Variants in KCNQ4 observed in about 807,000 individuals in gnomAD.
The protein encoded by KCNQ4 is potassium voltage-gated channel subfamily Q member 4.
In KCNQ4, 31 loss-of-function variants were observed where a neutral mutation model predicts 72.6. The observed-to-expected ratio is 0.43, with a 90% CI of 0.32 to 0.58. The LOEUF (loss-of-function observed/expected upper bound fraction) is 0.58. Among genes scored for constraint, KCNQ4 ranks in the 20% least tolerant of loss-of-function variants. KCNQ4 has a pLI of 0.08. For missense variants in KCNQ4, 869 were observed against 962.6 expected, an observed-to-expected ratio of 0.90 and a Z score of 1.29; for synonymous variants, 405 against 403.7, an observed-to-expected ratio of 1.00 and a Z score of -0.04.
chr1:40,815,485 G>A (rs1041742201), intron 1 of KCNQ4, among the ~76,000 whole-genome samples: 3 of 152,138 alleles, frequency 2.0e-5, no homozygotes, highest in Non-Finnish European at 4.4e-5. Context: ...CTGCAGTCCC[G>A]ATGCAGGTAC....
chr1:40,803,750 CA>C (rs910733053), intron 1 of KCNQ4, among the ~76,000 whole-genome samples: 48 of 152,350 alleles, frequency 3.2e-4, no homozygotes, highest in African/African-American at 1.1e-3. Context: ...GCATGGCTCT[CA>C]GGGCAGCTGT....
rs1237127362 is a variant in KCNQ4, at chr1:40,784,209, G to A, written c.116G>A (p.Gly39Asp). The change falls in exon 1 of 14, where the codon GGC (glycine) becomes GAC (aspartate). Residue 39 changes from glycine (G) to aspartate (D), a missense_variant. Gly to Asp is a moderately conservative substitution (Grantham distance 94). This residue lies in a region of KCNQ4 where 178 missense variants were observed against 145.3 expected (regional missense o/e 1.22). Transcript: ENST00000347132. The surrounding 1 kb of genome is among the most constrained non-coding windows in gnomAD (Gnocchi z 4.1). ...AGCGAACAGGGCGAGGCGGGCGGGG[G>A]CGGCTCCCCGCGCCGCCTCGGCCTC... The part of the protein sequence containing the change: ...VQSEQGEAGG[G>D]GSPRRLGLLG... 2.6e-6 allele frequency: 3 copies of A among 1,142,054 alleles called. No individual in the cohort carries two copies. The highest frequency in any genetic ancestry group is 3.3e-5 in the African/African-American group (2 of 60,098). 70.7% of individuals were successfully genotyped at this position (1,142,054 alleles called of 1,614,324 possible). A position where few individuals can be genotyped will look rare whatever the true frequency, so the allele number is the denominator to read the frequency against.
intron 8 of KCNQ4, 93 bp downstream of exon 8, chr1:40,822,495 G>C: frequency 2.9e-6 from 3 of 1,048,752 alleles, no homozygotes; most frequent in Non-Finnish European, 4.3e-6. Context: ...GGGTGGAAAG[G>C]GGGTGATGGC....
At chr1:40,831,340 G>T in intron 10 of KCNQ4, 36 bp downstream of exon 10, 1 of 1,522,694 alleles carries the variant, frequency 6.6e-7, no homozygotes, top group Non-Finnish European at 8.9e-7. Context: ...ATCGAGGGCC[G>T]GCTGAGGGTG....
At chr1:40,822,614 A>G (rs912216128) in intron 8 of KCNQ4, among the ~76,000 whole-genome samples, 5 of 152,180 alleles carry the variant, frequency 3.3e-5, no homozygotes, top group African/African-American at 1.2e-4. Context: ...TACTGGACAT[A>G]GGGCATTGGT....
At chr1:40,831,339 C>T (rs758670305) in intron 10 of KCNQ4, 35 bp downstream of exon 10, 21 of 1,532,508 alleles carry the variant, frequency 1.4e-5, no homozygotes, top group Middle Eastern at 1.7e-4. Flanking sequence ...GATCGAGGGC[C>T]GGCTGAGGGT....
At chr1:40,798,893 C>T (rs1335799209) in intron 1 of KCNQ4, among the ~76,000 whole-genome samples, 2 of 152,252 alleles carry the variant, frequency 1.3e-5, no homozygotes, top group African/African-American at 2.4e-5. Flanking sequence ...GCCTGGCTGC[C>T]TGGGCAAAGG....
intron 1 of KCNQ4, among the ~76,000 whole-genome samples, chr1:40,805,693 A>G (rs1481834432): frequency 1.3e-5 from 2 of 152,076 alleles, no homozygotes; most frequent in African/African-American, 4.8e-5. Flanking sequence ...TGCAGTGCCA[A>G]GTGTCAGGTT....
chr1:40,819,790 A>T (rs1483437526), intron 5 of KCNQ4, 85 bp from the exon 6 acceptor site: 6 of 1,126,154 alleles, frequency 5.3e-6, no homozygotes, highest in Non-Finnish European at 8.2e-6. Flanking sequence ...TTCCCTCATG[A>T]TCAGGCTCCT....
chr1:40,792,197 C>T (rs1295545892), intron 1 of KCNQ4, among the ~76,000 whole-genome samples: 1 of 152,090 alleles, frequency 6.6e-6, no homozygotes, highest in Non-Finnish European at 1.5e-5. Context: ...GCTTGGCTGT[C>T]CCCTGGGAGG....
intron 1 of KCNQ4, among the ~76,000 whole-genome samples, chr1:40,805,428 C>G (rs1328547911): frequency 1.3e-5 from 2 of 152,176 alleles, no homozygotes. Flanking sequence ...CCCTCACCCC[C>G]CACCACTCTC....
At chr1:40,809,978 T>C (rs1647878438) in intron 1 of KCNQ4, among the ~76,000 whole-genome samples, 1 of 151,714 alleles carries the variant, frequency 6.6e-6, no homozygotes, top group East Asian at 1.9e-4. Context: ...GGCACGAGAA[T>C]CTCTTGAACC....
rs1332653738 is a variant in KCNQ4, at chr1:40,784,728, G to A, written c.314+321G>A. 6.6e-6 allele frequency among the ~76,000 whole-genome samples: 1 copy of A among 152,184 alleles called. No individual in the cohort carries two copies. The highest frequency in any genetic ancestry group is 1.5e-5 in the Non-Finnish European group (1 of 68,022). ...GCTGCCTCCCCCAAGTCCGCTTGGC[G>A]AAGTCTGGGGCCCCTGGAGTGGGCG... is the stretch of plus-strand genomic sequence containing the variant. On this transcript the variant is annotated intron_variant, in intron 1 of 13. Coordinates refer to ENST00000347132, the MANE Select transcript of KCNQ4 (RefSeq NM_004700.4). This position sits in a 1 kb window ranked among gnomAD's most constrained non-coding sequence, Gnocchi z 4.1.
intron 5 of KCNQ4, 85 bp downstream of exon 5, chr1:40,819,557 C>G: frequency 6.4e-7 from 1 of 1,571,972 alleles, no homozygotes; most frequent in Non-Finnish European, 8.7e-7. Flanking sequence ...TGACTCCTGA[C>G]TCAGGGTTGA....
At chr1:40,805,579 T>C (rs4660465) in intron 1 of KCNQ4, among the ~76,000 whole-genome samples, 56,685 of 151,940 alleles carry the variant, frequency 0.37, 10,795 homozygotes, top group African/African-American at 0.4. Flanking sequence ...GTGGGGGCTC[T>C]GACCTAAGCC....
rs1231613265 is a variant in KCNQ4, at chr1:40,822,413, C to CTGGGGG, written c.1130+22_1130+27dup. ...CCTCCCATCCTTCAGGTAGGTCCTG[C>CTGGGGG]TGGGGGTGGGGGTGGGTGGGGGGCT... On this transcript the variant is annotated intron_variant, in intron 8 of 13. Coordinates refer to ENST00000347132, the MANE Select transcript of KCNQ4 (RefSeq NM_004700.4). 3 of 277,290 alleles carry CTGGGGG rather than the reference C, an allele frequency of 1.1e-5. No homozygotes were observed. Among genetic ancestry groups the CTGGGGG allele is most frequent in the African/African-American group, 8.8e-5 (2 of 22,848 alleles). 17.2% of individuals were successfully genotyped at this position (277,290 alleles called of 1,614,324 possible). A position where few individuals can be genotyped will look rare whatever the true frequency, so the allele number is the denominator to read the frequency against.
chr1:40,819,165 GGGA>G (rs1648199242), intron 4 of KCNQ4, among the ~76,000 whole-genome samples, 179 bp from the exon 5 acceptor site: 1 of 150,872 alleles, frequency 6.6e-6, no homozygotes, highest in African/African-American at 2.4e-5. Flanking sequence ...TCGGGGTAGG[GGGA>G]GTGCTGGCGG....
intron 1 of KCNQ4, among the ~76,000 whole-genome samples, chr1:40,811,826 G>A (rs756608849): frequency 1.3e-5 from 2 of 152,216 alleles, no homozygotes; most frequent in Non-Finnish European, 2.9e-5. Context: ...GAAAGTGGCC[G>A]CTAGTCTGGC....
intron 11 of KCNQ4, among the ~76,000 whole-genome samples, chr1:40,833,481 T>A (rs966437166): frequency 2.0e-5 from 3 of 152,132 alleles, no homozygotes; most frequent in Non-Finnish European, 4.4e-5. Context: ...ACTGGCTGTC[T>A]CCATGCCTCA....
Sources: allele counts gnomAD v4.1 joint callset (sites outside exome capture counted in the v4.1 genomes callset), GRCh38; gene constraint gnomAD v4.1.1; regional missense constraint gnomAD v4.1.1; non-coding constraint Gnocchi (gnomAD v3.1); transcripts MANE v1.5; gene names NCBI Gene and HGNC (gene_info 2026-07-23, HGNC 2026-07-21).